The following INSYN2B variants were observed in gnomAD, a reference collection of about 807,000 sequenced individuals.
INSYN2B encodes inhibitory synaptic factor family member 2B, also known as protein INSYN2B.
In INSYN2B, 16 loss-of-function variants were observed where a neutral mutation model predicts 41.2. The observed-to-expected ratio is 0.39, with a 90% CI of 0.26 to 0.59. The LOEUF (loss-of-function observed/expected upper bound fraction) is 0.59, where lower values mean the gene tolerates loss of function less well. Ranked by LOEUF, INSYN2B falls within the 20% of genes least tolerant of loss-of-function variation. The probability of loss-of-function intolerance (pLI) is 0.57; values close to 1 mark genes in which losing one functional copy is unlikely to be tolerated. For synonymous variants in INSYN2B, 245 were observed against 244.4 expected, an observed-to-expected ratio of 1.00 and a Z score of -0.02; for missense variants, 608 against 646.4, an observed-to-expected ratio of 0.94 and a Z score of 0.64.
intron 1 of INSYN2B, among the ~76,000 whole-genome samples, chr5:169,958,528 C>G (rs1200912793): frequency 6.6e-6 from 1 of 152,046 alleles, no homozygotes; most frequent in Non-Finnish European, 1.5e-5. Flanking sequence ...GCCCAGCCCC[C>G]TTTCCGTCTT....
chr5:169,877,637 T>G (rs1182399434), intron 3 of INSYN2B, among the ~76,000 whole-genome samples: 3 of 152,060 alleles, frequency 2.0e-5, no homozygotes, highest in Non-Finnish European at 4.4e-5. Flanking sequence ...AATGTCTGCA[T>G]GTAGTTGCTT....
intron 1 of INSYN2B, among the ~76,000 whole-genome samples, chr5:169,949,410 T>C (rs1206205841): frequency 6.6e-6 from 1 of 152,128 alleles, no homozygotes; most frequent in Non-Finnish European, 1.5e-5. Context: ...AAGGGATGGC[T>C]TTTGAGATTT....
chr5:169,881,586 GA>G lies in INSYN2B; in HGVS notation c.1347-145del, dbSNP rs773421210. The G allele has an allele frequency of 8.7e-5, 57 of 654,776 alleles. No homozygotes were observed. The Middle Eastern group carries it at 1.2e-3, about 14-fold the overall frequency. 40.6% of individuals were successfully genotyped at this position (654,776 alleles called of 1,614,324 possible). ...ACGGCCATTACAAATAAGGAAACAA[GA>G]ATGTCACGACAATAGGAGCTCACAT... is the stretch of plus-strand genomic sequence containing the variant. On this transcript the variant is annotated intron_variant, in intron 2 of 3. Coordinates refer to ENST00000377365, the MANE Select transcript of INSYN2B (RefSeq NM_001129891.3).
intron 2 of INSYN2B, among the ~76,000 whole-genome samples, chr5:169,881,834 CTT>C (rs1193680661): frequency 6.6e-6 from 1 of 152,190 alleles, no homozygotes; most frequent in African/African-American, 2.4e-5. Context: ...CAGTTAATGA[CTT>C]CTCTCTCCTA....
intron 3 of INSYN2B, among the ~76,000 whole-genome samples, chr5:169,867,427 GTCTGTCTGTCTA>G (rs1369382656): frequency 1.3e-5 from 2 of 149,162 alleles, no homozygotes; most frequent in Non-Finnish European, 1.5e-5. Context: ...CTGTCTGTCT[GTCTGTCTGTCTA>G]TCTATCTATC....
At chr5:169,892,000 AAAAAAAAAAAAAG>A (rs1773321045) in intron 1 of INSYN2B, among the ~76,000 whole-genome samples, 1 of 150,770 alleles carries the variant, frequency 6.6e-6, no homozygotes, top group African/African-American at 2.4e-5. Flanking sequence ...CGTCCCAAAA[AAAAAAAAAAAAAG>A]AAAAAGAAAA....
intron 1 of INSYN2B, among the ~76,000 whole-genome samples, chr5:169,921,911 C>G (rs546331780): frequency 2.0e-5 from 3 of 152,142 alleles, no homozygotes; most frequent in Admixed American, 2.0e-4. Flanking sequence ...AGCCCCTTGA[C>G]AGTAGAAAGA....
At chr5:169,924,000 C>T (rs1163996721) in intron 1 of INSYN2B, among the ~76,000 whole-genome samples, 1 of 152,216 alleles carries the variant, frequency 6.6e-6, no homozygotes, top group East Asian at 1.9e-4. Context: ...GTTTATCATT[C>T]AGGTGGAGGC....
rs2113516055 is a variant in INSYN2B, at chr5:169,884,794, A to G, written c.-896T>C. On this transcript the variant is annotated 5_prime_UTR_variant, in exon 2 of 4. Coordinates refer to ENST00000377365, the MANE Select transcript of INSYN2B (RefSeq NM_001129891.3). ...GGTCTGAGATGAGCTGGGGTCTGAT[A>G]TCTGCAAGCAGGCGAGGAGCACCTG... The G allele has an allele frequency of 6.6e-6, 1 of 152,450 alleles. No individual in the cohort carries two copies. Among genetic ancestry groups the G allele is most frequent in the Admixed American group, 6.5e-5 (1 of 15,294 alleles). The allele number at this position is 152,450 out of a possible 1,614,324, so 9.4% of individuals were successfully genotyped here. A position where few individuals can be genotyped will look rare whatever the true frequency, so the allele number is the denominator to read the frequency against.
At chr5:169,938,720 A>G (rs917230232) in intron 1 of INSYN2B, among the ~76,000 whole-genome samples, 17 of 152,258 alleles carry the variant, frequency 1.1e-4, no homozygotes, top group African/African-American at 3.6e-4. Flanking sequence ...CATTTATTAA[A>G]AATATTTTTT....
intron 1 of INSYN2B, among the ~76,000 whole-genome samples, chr5:169,927,322 G>C (rs1775509068): frequency 6.6e-6 from 1 of 152,194 alleles, no homozygotes; most frequent in Non-Finnish European, 1.5e-5. Flanking sequence ...GCAAGGCAGA[G>C]TTCTCAAGCT....
intron 1 of INSYN2B, chr5:169,934,929 T>C (rs1581440656): frequency 3.0e-6 from 1 of 331,838 alleles, no homozygotes; most frequent in East Asian, 8.0e-5. Context: ...CCTGAGAAAG[T>C]AGTATAGAAA....
chr5:169,935,458 A>G (rs569945850), intron 1 of INSYN2B, among the ~76,000 whole-genome samples: 43 of 152,136 alleles, frequency 2.8e-4, no homozygotes, highest in Non-Finnish European at 5.6e-4. Flanking sequence ...TGTCAACTTA[A>G]TGGTGGAGTT....
At position 169,925,578 on chromosome 5, in the gene INSYN2B, TTAAAAAAAAAAAAAAAAA is replaced by T. The variant is rs1775401877; in HGVS notation, c.-918-40780_-918-40763del. On this transcript the variant is annotated intron_variant, in intron 1 of 3. Coordinates refer to ENST00000377365, the MANE Select transcript of INSYN2B (RefSeq NM_001129891.3). ...CTGGGCGACAGAGCAAGACTCTGTC[TTAAAAAAAAAAAAAAAAA>T]AAAAAAAAAGCATTGTCCTGGGGTG... Among the ~76,000 whole-genome samples the T allele has an allele frequency of 1.9e-4, 6 of 32,324 alleles. No homozygotes were observed. In the Admixed American group the frequency reaches 2.1e-3, roughly 11 times the overall value. The allele number at this position is 32,324 out of a possible 152,430, so 21.2% of individuals were successfully genotyped here.
At chr5:169,867,341 C>T (rs535900184) in intron 3 of INSYN2B, among the ~76,000 whole-genome samples, 6 of 152,100 alleles carry the variant, frequency 3.9e-5, no homozygotes, top group Non-Finnish European at 8.8e-5. Context: ...ACTCACCCAA[C>T]GTGATAACAA....
chr5:169,960,039 C>T (rs1047543304), intron 1 of INSYN2B, among the ~76,000 whole-genome samples: 2 of 152,218 alleles, frequency 1.3e-5, no homozygotes, highest in African/African-American at 2.4e-5. Flanking sequence ...CTCAGGCTAT[C>T]AGTCCCTCAA....
At chr5:169,955,744 T>C (rs1456420409) in intron 1 of INSYN2B, among the ~76,000 whole-genome samples, 6 of 152,194 alleles carry the variant, frequency 3.9e-5, no homozygotes, top group African/African-American at 1.2e-4. Flanking sequence ...AGTTTCTTCA[T>C]CTGTGTAATG....
intron 1 of INSYN2B, among the ~76,000 whole-genome samples, chr5:169,951,054 C>T (rs924785257): frequency 2.0e-5 from 3 of 152,224 alleles, no homozygotes; most frequent in Non-Finnish European, 4.4e-5. Flanking sequence ...CATTCCCACA[C>T]CACAGTGATT....
chr5:169,953,770 G>C (rs1307996768), intron 1 of INSYN2B, among the ~76,000 whole-genome samples: 1 of 152,204 alleles, frequency 6.6e-6, no homozygotes, highest in African/African-American at 2.4e-5. Flanking sequence ...TTTTCTCCTC[G>C]GGAGACACCT....
Sources: gnomAD v4.1 joint callset for allele counts (sites outside exome capture counted in the v4.1 genomes callset) on GRCh38, gnomAD v4.1.1 for gene constraint, MANE v1.5 for transcripts, NCBI Gene and HGNC (gene_info 2026-07-23, HGNC 2026-07-21) for gene names.